TMPRSS2: variants seen among roughly 807,000 people sequenced by gnomAD.
TMPRSS2 encodes transmembrane serine protease 2.
A neutral mutation model predicts 67.4 loss-of-function variants in TMPRSS2; 59 were observed. The ratio of observed to expected loss-of-function variants is 0.88; its 90% CI spans 0.71 to 1.09. The LOEUF (loss-of-function observed/expected upper bound fraction) is 1.09. TMPRSS2 is among the 50% of genes least tolerant of loss of function. The pLI is 0.00. For synonymous variants in TMPRSS2, 257 were observed against 257.0 expected (o/e 1.00, Z 0.00); for missense variants, 668 against 642.7 (o/e 1.04, Z -0.43).
rs1053049229 is a variant in TMPRSS2, at chr21:41,464,594, A to G, written c.*1548T>C. 8.6e-6 allele frequency: 2 copies of G among 231,804 alleles called. No homozygotes were observed. Among genetic ancestry groups the G allele is most frequent in the African/African-American group, 4.4e-5 (2 of 45,268 alleles). The allele number at this position is 231,804 out of a possible 1,614,324, so 14.4% of individuals were successfully genotyped here. A position where few individuals can be genotyped will look rare whatever the true frequency, so the allele number is the denominator to read the frequency against. ...TGCATAATTTATTTGCATGATATTC[A>G]TTTTCACAATTGAACTTTACAGTTT... is the stretch of plus-strand genomic sequence containing the variant. On this transcript the variant is annotated 3_prime_UTR_variant, in exon 14 of 14. Coordinates refer to ENST00000332149, the MANE Select transcript of TMPRSS2 (RefSeq NM_005656.4).
chr21:41,496,829 C>CT lies in TMPRSS2; in HGVS notation c.15+1289dup, dbSNP rs66730350. The stretch of plus-strand genomic sequence containing the variant: ...AATTTCTGCCTCTTGTCTCTCTCTC[C>CT]TTTTTTTTTTTTTTTTTTTTTTTTT... On this transcript the variant is annotated intron_variant, in intron 2 of 13. Coordinates refer to ENST00000332149, the MANE Select transcript of TMPRSS2 (RefSeq NM_005656.4). Among the ~76,000 whole-genome samples, 619 of 68,518 alleles carry CT rather than the reference C, an allele frequency of 9.0e-3. 66 individuals are homozygous for CT. The highest frequency in any genetic ancestry group is 0.011 in the South Asian group (17 of 1,614). The allele number at this position is 68,518 out of a possible 152,430, so 45.0% of individuals were successfully genotyped here.
At chr21:41,469,217 T>C (rs948013020) in intron 11 of TMPRSS2, among the ~76,000 whole-genome samples, 2 of 152,128 alleles carry the variant, frequency 1.3e-5, no homozygotes, top group Non-Finnish European at 1.5e-5. Flanking sequence ...CCATCGTCCC[T>C]GACTTCTCAC....
Position 41,489,451 on chromosome 21 carries a change from T to G in TMPRSS2, c.325+56A>C, listed in dbSNP as rs1283684676. On this transcript the variant is annotated intron_variant, in intron 4 of 13. Coordinates refer to ENST00000332149, the MANE Select transcript of TMPRSS2 (RefSeq NM_005656.4). ...AATAGCCCAGAGAGCAGGGTCTGGCTCAGAGCACTGGGGACTGCAGGAGCA... is the reference window on the plus strand; with the variant it reads ...AATAGCCCAGAGAGCAGGGTCTGGCGCAGAGCACTGGGGACTGCAGGAGCA... 4 of 1,500,220 alleles carry G rather than the reference T, an allele frequency of 2.7e-6. No homozygotes were observed. The Admixed American group carries it at 6.9e-5, about 26-fold the overall frequency. 92.9% of individuals were successfully genotyped at this position (1,500,220 alleles called of 1,614,324 possible).
Position 41,478,883 on chromosome 21 carries a change from A to G in TMPRSS2, c.683+289T>C, listed in dbSNP as rs969097159. Among the ~76,000 whole-genome samples the G allele has an allele frequency of 6.6e-6, 1 of 152,234 alleles. No individual in the cohort carries two copies. Among genetic ancestry groups the G allele is most frequent in the Non-Finnish European group, 1.5e-5 (1 of 68,034 alleles). The stretch of plus-strand genomic sequence containing the variant: ...ACCTCTAAATGTCTGAAGAGGAAAG[A>G]AAACTAAATAGAGTTGAATGTCGAT... On this transcript the variant is annotated intron_variant, in intron 7 of 13. Transcript: ENST00000332149. This position sits in a 1 kb window ranked among gnomAD's most constrained non-coding sequence, Gnocchi z 4.0.
intron 10 of TMPRSS2, 34 bp from the exon 11 acceptor site, chr21:41,470,777 CG>C: frequency 1.6e-6 from 1 of 613,984 alleles, no homozygotes; most frequent in Admixed American, 2.7e-5. Context: ...GTGAGCCAGG[CG>C]GGTATCACCT....
At chr21:41,467,970 GGGC>G in intron 12 of TMPRSS2, 84 bp from the exon 13 acceptor site, 1 of 1,523,684 alleles carries the variant, frequency 6.6e-7, no homozygotes, top group African/African-American at 1.4e-5. Flanking sequence ...AGGAGTTGGG[GGGC>G]GGGGGTCGCA....
rs767499499 is a variant in TMPRSS2, at chr21:41,480,565, G to A, written c.483C>T (p.Tyr161=). 2 of 1,613,878 alleles carry A rather than the reference G, an allele frequency of 1.2e-6. No individual in the cohort carries two copies. Among genetic ancestry groups the A allele is most frequent in the East Asian group, 4.5e-5 (2 of 44,882 alleles). Residue 161 remains tyrosine, a synonymous_variant, in exon 6 of 14, where the codon TAC becomes TAT. Transcript: ENST00000332149. ...GGTGCCAGGACTTCCTCTGAGATGA[G>A]TACACCTGAAGGATGAAGTTTGGTC... ...LYGPNFILQV[Y]SSQRKSWHPV... is the part of the protein sequence containing the mutation.
In TMPRSS2 at chr21:41,471,902, G is replaced by A; in HGVS notation, c.979C>T (p.Gln327Ter). ...QSFMFYGAGYQVEKVISHPNY... is the reference protein window; with the variant it reads ...QSFMFYGAGY ...GGATGAGAAATCACTTTTTCTACTT[G>A]GTATCCGGCTCCATAGAACATGAAA... Residue 327 changes from glutamine (Q) to a stop codon, truncating the protein, a stop_gained, in exon 10 of 14, where the codon CAA becomes TAA. Coordinates refer to ENST00000332149, the MANE Select transcript of TMPRSS2 (RefSeq NM_005656.4). LOFTEE classifies it high-confidence loss of function. The A allele has an allele frequency of 6.2e-7, 1 of 1,613,440 alleles. No individual in the cohort carries two copies. Among genetic ancestry groups the A allele is most frequent in the Non-Finnish European group, 8.5e-7 (1 of 1,179,826 alleles).
At chr21:41,503,198 AG>A (rs1414287286) in intron 1 of TMPRSS2, among the ~76,000 whole-genome samples, 3 of 152,236 alleles carry the variant, frequency 2.0e-5, no homozygotes, top group Non-Finnish European at 4.4e-5. Flanking sequence ...GCCCACACCC[AG>A]ACAACACCAG....
At chr21:41,484,321 T>A (rs917583872) in intron 5 of TMPRSS2, among the ~76,000 whole-genome samples, 24 of 152,082 alleles carry the variant, frequency 1.6e-4, no homozygotes, top group African/African-American at 5.6e-4. Context: ...ATAACTAGAG[T>A]GAACAATTTA....
At chr21:41,489,440 C>T in intron 4 of TMPRSS2, 67 bp downstream of exon 4, 2 of 1,377,308 alleles carry the variant, frequency 1.5e-6, no homozygotes, top group Non-Finnish European at 2.0e-6. Context: ...GCCCAGAGAG[C>T]AGGGTCTGGC....
intron 1 of TMPRSS2, among the ~76,000 whole-genome samples, chr21:41,499,314 C>T (rs1271284699): frequency 1.3e-5 from 2 of 152,170 alleles, no homozygotes; most frequent in Non-Finnish European, 2.9e-5. Flanking sequence ...ATAGTAAAGC[C>T]GCATTCTGAC....
At chr21:41,466,776 A>C (rs558125134) in intron 13 of TMPRSS2, among the ~76,000 whole-genome samples, 35 of 152,350 alleles carry the variant, frequency 2.3e-4, no homozygotes, top group Non-Finnish European at 4.6e-4. Context: ...GACAGAATAG[A>C]CTGCTTTCTT....
chr21:41,470,373 C>A (rs995666809), intron 11 of TMPRSS2, among the ~76,000 whole-genome samples: 34 of 152,172 alleles, frequency 2.2e-4, no homozygotes, highest in African/African-American at 8.2e-4. Flanking sequence ...CACAGGAGAT[C>A]CTGCACCTCT....
intron 13 of TMPRSS2, among the ~76,000 whole-genome samples, chr21:41,466,937 G>A (rs961668720): frequency 3.9e-5 from 6 of 152,132 alleles, no homozygotes; most frequent in African/African-American, 1.4e-4. Context: ...AGGCTCACAT[G>A]GAACCCCTGA....
rs374683108 is a variant in TMPRSS2 at position 41,505,590 on chromosome 21, T to C, written c.-57+2491A>G. On this transcript the variant is annotated intron_variant, in intron 1 of 13. Transcript: ENST00000332149. ...TTCAGAGTTCCAGGCACTCTGGCCA[T>C]GTCATACTGCTAGAGGGAGCAGCAC... Among the ~76,000 whole-genome samples the C allele has an allele frequency of 1.1e-4, 16 of 152,274 alleles. No individual in the cohort carries two copies. The East Asian group carries it at 2.5e-3, about 24-fold the overall frequency.
intron 8 of TMPRSS2, 62 bp from the exon 9 acceptor site, chr21:41,473,558 C>T (rs1340186628): frequency 1.6e-5 from 25 of 1,515,582 alleles, no homozygotes; most frequent in Admixed American, 1.4e-4. Flanking sequence ...AGCCACCCAG[C>T]GCCCGCCCCT....
intron 11 of TMPRSS2, 141 bp downstream of exon 11, chr21:41,470,507 A>G: frequency 1.4e-6 from 1 of 701,548 alleles, no homozygotes; most frequent in South Asian, 1.9e-5. Flanking sequence ...GGAGAAACTG[A>G]GGCACAAGGA....
chr21:41,472,241 A>G (rs182254633), intron 9 of TMPRSS2, among the ~76,000 whole-genome samples: 59 of 151,820 alleles, frequency 3.9e-4, no homozygotes, highest in African/African-American at 1.4e-3. Context: ...AGCACCCACA[A>G]TGGGCCGACA....
Sources: gnomAD v4.1 joint callset for allele counts (sites outside exome capture counted in the v4.1 genomes callset) on GRCh38, gnomAD v4.1.1 for gene constraint, Gnocchi (gnomAD v3.1) non-coding constraint, MANE v1.5 for transcripts, NCBI Gene and HGNC (gene_info 2026-07-23, HGNC 2026-07-21) for gene names.